ANKRD28: variants seen among roughly 807,000 people sequenced by gnomAD.
ANKRD28 encodes serine/threonine-protein phosphatase 6 regulatory ankyrin repeat subunit A.
A neutral mutation model predicts 126.5 loss-of-function variants in ANKRD28; 44 were observed. That is an observed-to-expected ratio of 0.35 (90% confidence interval 0.27 to 0.45). The LOEUF is 0.45. Among genes scored for constraint, ANKRD28 ranks in the 20% least tolerant of loss-of-function variants. ANKRD28 has a pLI of 1.00. For synonymous variants in ANKRD28, 442 were observed against 468.5 expected, an observed-to-expected ratio of 0.94 and a Z score of 0.73; for missense variants, 1,110 against 1,316.6, an observed-to-expected ratio of 0.84 and a Z score of 2.43.
At chr3:15,694,635 A>G (rs922853961) in intron 17 of ANKRD28, 104 bp downstream of exon 17, 2 of 879,336 alleles carry the variant, frequency 2.3e-6, no homozygotes, top group African/African-American at 3.4e-5. Context: ...TAACTATTAC[A>G]TGGACCAAAA....
At chr3:15,773,069 G>A (rs2059095421) in intron 2 of ANKRD28, among the ~76,000 whole-genome samples, 1 of 151,442 alleles carries the variant, frequency 6.6e-6, no homozygotes, top group Non-Finnish European at 1.5e-5. Context: ...TCAATTGAGA[G>A]GGAAGAAAGA....
chr3:15,711,835 C>T (rs1393938690), intron 11 of ANKRD28, among the ~76,000 whole-genome samples: 3 of 150,830 alleles, frequency 2.0e-5, no homozygotes, highest in Non-Finnish European at 1.5e-5. Context: ...TACAGGTGCT[C>T]ACCACCACGC....
chr3:15,712,962 T>C (rs191860422), intron 10 of ANKRD28, among the ~76,000 whole-genome samples: 1 of 152,296 alleles, frequency 6.6e-6, no homozygotes, highest in East Asian at 1.9e-4. Context: ...ATACAAAGAA[T>C]GATAAACATA....
chr3:15,742,798 A>G, intron 4 of ANKRD28, among the ~76,000 whole-genome samples: 1 of 143,418 alleles, frequency 7.0e-6, no homozygotes, highest in African/African-American at 2.6e-5. Flanking sequence ...CCGGGAGGTG[A>G]GGGGCGCCTC....
rs2066155879 is a variant in ANKRD28, at chr3:15,669,432, A to G, written c.*838T>C. 6.6e-6 allele frequency: 1 copy of G among 152,170 alleles called. No homozygotes were observed. 9.4% of individuals were successfully genotyped at this position (152,170 alleles called of 1,614,324 possible). A position where few individuals can be genotyped will look rare whatever the true frequency, so the allele number is the denominator to read the frequency against. On this transcript the variant is annotated 3_prime_UTR_variant, in exon 28 of 28. Coordinates refer to ENST00000683139, the MANE Select transcript of ANKRD28 (RefSeq NM_001349278.2). ...TTTCTAGGAAATTCTTTACATTTTC[A>G]AACAAAAATAGTACTATTTTAAACC...
At chr3:15,695,758 C>T (rs1219340169) in intron 15 of ANKRD28, among the ~76,000 whole-genome samples, 1 of 152,010 alleles carries the variant, frequency 6.6e-6, no homozygotes, top group Non-Finnish European at 1.5e-5. Flanking sequence ...AATAAATGTG[C>T]CTTTTGGAAT....
rs1298072135 is a variant in ANKRD28, at chr3:15,830,588, C to T, written c.27+28789G>A. On this transcript the variant is annotated intron_variant, in intron 1 of 27. Coordinates refer to the ANKRD28 transcript ENST00000399451. The surrounding 1 kb of genome is among the most constrained non-coding windows in gnomAD (Gnocchi z 4.5). ...AAACCATCCCACCCCCCACCGCACC[C>T]CCATCCACGGAAAAATTGTCTTCCA... is the stretch of plus-strand genomic sequence containing the variant. Among the ~76,000 whole-genome samples the T allele has an allele frequency of 1.3e-5, 2 of 152,020 alleles. No individual in the cohort carries two copies. Among genetic ancestry groups the T allele is most frequent in the East Asian group, 3.9e-4 (2 of 5,184 alleles).
intron 1 of ANKRD28, among the ~76,000 whole-genome samples, chr3:15,808,033 A>G (rs372136288): frequency 1.1e-4 from 17 of 152,152 alleles, no homozygotes; most frequent in African/African-American, 3.9e-4. Context: ...TTAAATCCCA[A>G]TTTCACGGAC....
At chr3:15,702,817 C>T (rs552604707) in intron 14 of ANKRD28, among the ~76,000 whole-genome samples, 2 of 151,424 alleles carry the variant, frequency 1.3e-5, no homozygotes, top group Admixed American at 1.3e-4. Context: ...GTTCTTACCA[C>T]CCCCCACCAC....
At chr3:15,788,908 A>C (rs75231831) in intron 2 of ANKRD28, among the ~76,000 whole-genome samples, 7,467 of 151,022 alleles carry the variant, frequency 0.049, 551 homozygotes, top group African/African-American at 0.16. Context: ...TTACCCCCCC[A>C]AAAAAAAAGA....
At chr3:15,677,393 G>A in intron 25 of ANKRD28, 87 bp downstream of exon 25, 1 of 940,516 alleles carries the variant, frequency 1.1e-6, no homozygotes, top group Non-Finnish European at 1.7e-6. Flanking sequence ...GTTTGGTCCT[G>A]AGTTGTTCAT....
Position 15,696,230 on chromosome 3 carries a change from T to C in ANKRD28, c.1563A>G (p.Leu521=). The C allele has an allele frequency of 1.3e-6, 2 of 1,581,200 alleles. No homozygotes were observed. The highest frequency in any genetic ancestry group is 1.7e-6 in the Non-Finnish European group (2 of 1,160,096). ...SDTDGKCLEY[L]LRNDANPGIR... ...TCCCTGGATTTGCATCGTTTCTTAA[T>C]AAGTATTCCAGGCACCTATATACAA... Residue 521 remains leucine (L), a synonymous_variant, in exon 15 of 28, where the codon TTA becomes TTG. Transcript: ENST00000683139.
chr3:15,786,167 A>G (rs2059770373), intron 2 of ANKRD28, among the ~76,000 whole-genome samples: 1 of 152,096 alleles, frequency 6.6e-6, no homozygotes, highest in South Asian at 2.1e-4. Flanking sequence ...CCCTAATGTA[A>G]ACTCTGGTTT....
chr3:15,805,377 A>C (rs1403507562), intron 1 of ANKRD28, among the ~76,000 whole-genome samples: 4 of 152,192 alleles, frequency 2.6e-5, no homozygotes, highest in Non-Finnish European at 5.9e-5. Context: ...AAAAGGACTC[A>C]TCATTTTAGA....
chr3:15,685,662 G>T (rs2068025515), intron 20 of ANKRD28, among the ~76,000 whole-genome samples: 1 of 152,048 alleles, frequency 6.6e-6, no homozygotes, highest in South Asian at 2.1e-4. Flanking sequence ...ATGAAAACAG[G>T]AAGAGAGAAA....
At position 15,839,476 on chromosome 3, in the gene ANKRD28, T is replaced by C. The variant is rs1044007647; in HGVS notation, c.27+19901A>G. The stretch of plus-strand genomic sequence containing the variant: ...AGGAACACCAAACCAATGAAAACTA[T>C]AATCACATTTCAGAATCAATGTGGC... On this transcript the variant is annotated intron_variant, in intron 1 of 27. Coordinates refer to the ANKRD28 transcript ENST00000399451. This position sits in a 1 kb window ranked among gnomAD's most constrained non-coding sequence, Gnocchi z 4.3. 3.9e-5 allele frequency among the ~76,000 whole-genome samples: 6 copies of C among 152,102 alleles called. No homozygotes were observed. Among genetic ancestry groups the C allele is most frequent in the Admixed American group, 1.3e-4 (2 of 15,278 alleles).
At position 15,725,231 on chromosome 3, in the gene ANKRD28, C is replaced by T. The variant is rs368486345; in HGVS notation, c.641-707G>A. Among the ~76,000 whole-genome samples, 12 of 152,126 alleles carry T rather than the reference C, an allele frequency of 7.9e-5. No individual in the cohort carries two copies. The South Asian group carries it at 8.3e-4, about 11-fold the overall frequency. On this transcript the variant is annotated intron_variant, in intron 6 of 27. Coordinates refer to ENST00000683139, the MANE Select transcript of ANKRD28 (RefSeq NM_001349278.2). ...GAGATGAATTAAAGAACAGGTTATA[C>T]GTACATACTATGGCATTTTATATAA...
At chr3:15,733,462 T>G (rs770621196) in intron 6 of ANKRD28, 8 of 152,220 alleles carry the variant, frequency 5.3e-5, no homozygotes, top group Non-Finnish European at 1.0e-4. Context: ...TCTAACTATG[T>G]TTTTCTTTTC....
rs754799503 is a variant in ANKRD28 at position 15,795,302 on chromosome 3, G to A, written c.122C>T (p.Ser41Leu). ...TCCGTTAAATATAGCTTGCACCAGT[G>A]ATGGCTAAAATAGAAGAGAGTAATA... is the stretch of plus-strand genomic sequence containing the variant. ...HSPPSGNVLP[S>L]LVQAIFNGDP... The change falls in exon 2 of 28, where the codon TCA becomes TTA. Residue 41 changes from serine to leucine, a missense_variant. Ser to Leu is a moderately radical substitution (Grantham distance 145). Transcript: ENST00000683139. The A allele has an allele frequency of 6.2e-7, 1 of 1,606,282 alleles. No individual in the cohort carries two copies. Among genetic ancestry groups the A allele is most frequent in the South Asian group, 1.1e-5 (1 of 90,904 alleles).
Sources: gnomAD v4.1 joint callset for allele counts (sites outside exome capture counted in the v4.1 genomes callset) on GRCh38, gnomAD v4.1.1 for gene constraint, Gnocchi (gnomAD v3.1) non-coding constraint, MANE v1.5 for transcripts, NCBI Gene and HGNC (gene_info 2026-07-23, HGNC 2026-07-21) for gene names.